The following AGFG1 variants were observed in gnomAD, a reference collection of about 807,000 sequenced individuals.
The protein encoded by AGFG1 is arf-GAP domain and FG repeat-containing protein 1.
Under a neutral mutation model 60.6 loss-of-function variants are expected in AGFG1, and 10 were observed. That is an observed-to-expected ratio of 0.16 (90% CI 0.10 to 0.28). AGFG1 has a LOEUF of 0.28. Ranked by LOEUF, AGFG1 falls within the 10% of genes least tolerant of loss-of-function variation. The probability of loss-of-function intolerance (pLI) is 1.00; values close to 1 mark genes in which losing one functional copy is unlikely to be tolerated. For missense variants in AGFG1, 537 were observed against 676.5 expected (o/e 0.79, Z 2.29); for synonymous variants, 247 against 242.9 (o/e 1.02, Z -0.16).
chr2:227,524,777 C>A lies in AGFG1; in HGVS notation c.556C>A (p.Arg186Ser). 1 of 1,614,064 alleles carries A rather than the reference C, an allele frequency of 6.2e-7. No individual in the cohort carries two copies. The highest frequency in any genetic ancestry group is 8.5e-7 in the Non-Finnish European group (1 of 1,179,974). Residue 186 changes from arginine (R) to serine (S), a missense_variant, in exon 5 of 13, where the codon CGT becomes AGT. Physicochemically the swap from Arg to Ser is moderately radical, Grantham distance 110 (BLOSUM62 -1). Around this residue, in one of 4 missense-constraint regions of AGFG1, gnomAD observed 102 missense variants for 82.9 expected, o/e 1.23. Transcript: ENST00000310078. ...GTPSQSPVVGRSQGQQQEKKQ... is the reference protein window; with the variant it reads ...GTPSQSPVVGSSQGQQQEKKQ... Reference sequence around the variant, plus strand: ...TGGTTTGTAGTCCCCAGTTGTAGGTCGTTCTCAAGGGCAGCAGCAGGAGAA... The same window carrying A: ...TGGTTTGTAGTCCCCAGTTGTAGGTAGTTCTCAAGGGCAGCAGCAGGAGAA...
intron 1 of AGFG1, among the ~76,000 whole-genome samples, chr2:227,481,347 T>C (rs1690457530): frequency 6.6e-6 from 1 of 152,080 alleles, no homozygotes; most frequent in Non-Finnish European, 1.5e-5. Context: ...TGGTATAACC[T>C]CTTTAAAACT....
At chr2:227,514,829 T>G (rs1691606804) in intron 2 of AGFG1, among the ~76,000 whole-genome samples, 1 of 152,210 alleles carries the variant, frequency 6.6e-6, no homozygotes, top group African/African-American at 2.4e-5. Flanking sequence ...AGTGCTGTTT[T>G]TAGCCCCTCA....
intron 10 of AGFG1, among the ~76,000 whole-genome samples, chr2:227,549,516 C>T (rs972197555): frequency 6.6e-6 from 1 of 152,130 alleles, no homozygotes; most frequent in African/African-American, 2.4e-5. Context: ...GTAAATACCG[C>T]TTACCTTTCT....
chr2:227,482,577 C>A (rs150683734), intron 1 of AGFG1, among the ~76,000 whole-genome samples: 23 of 152,182 alleles, frequency 1.5e-4, no homozygotes, highest in African/African-American at 5.5e-4. Flanking sequence ...TACTTTCTGC[C>A]AGTATTATTG....
At chr2:227,494,149 G>A (rs576637011) in intron 2 of AGFG1, among the ~76,000 whole-genome samples, 2 of 152,278 alleles carry the variant, frequency 1.3e-5, no homozygotes, top group South Asian at 4.1e-4. Context: ...AACAGTATCT[G>A]TGTTCTTAAA....
intron 2 of AGFG1, among the ~76,000 whole-genome samples, chr2:227,514,667 A>T (rs151310090): frequency 3.9e-5 from 6 of 152,358 alleles, no homozygotes; most frequent in Non-Finnish European, 7.4e-5. Flanking sequence ...AAACTCATGC[A>T]GTCTGATTCC....
At chr2:227,478,689 G>T (rs1690362854) in intron 1 of AGFG1, among the ~76,000 whole-genome samples, 1 of 152,066 alleles carries the variant, frequency 6.6e-6, no homozygotes, top group Admixed American at 6.6e-5. Context: ...GGCACATAAG[G>T]CTTTGAATAT....
rs1473977757 is a variant in AGFG1 at position 227,554,554 on chromosome 2, C to T, written c.*59C>T. 16 of 1,351,230 alleles carry T rather than the reference C, an allele frequency of 1.2e-5. No individual in the cohort carries two copies. The highest frequency in any genetic ancestry group is 1.6e-5 in the Non-Finnish European group (15 of 953,920). The allele number at this position is 1,351,230 out of a possible 1,614,324, so 83.7% of individuals were successfully genotyped here. On this transcript the variant is annotated 3_prime_UTR_variant, in exon 13 of 13. Coordinates refer to ENST00000310078, the MANE Select transcript of AGFG1 (RefSeq NM_004504.5). ...ATGTGGTCACATTACATCTCTCCAC[C>T]TCTTGCACTGTTGTCTTGTTTCACT... is the stretch of plus-strand genomic sequence containing the variant.
At chr2:227,553,622 C>T (rs1044272450) in intron 11 of AGFG1, 82 bp from the exon 12 acceptor site, 1 of 1,166,140 alleles carries the variant, frequency 8.6e-7, no homozygotes, top group African/African-American at 1.5e-5. Flanking sequence ...AGGAATGTCT[C>T]TGAAAGTTAT....
chr2:227,509,445 A>G (rs2106192679), intron 2 of AGFG1, among the ~76,000 whole-genome samples: 1 of 152,306 alleles, frequency 6.6e-6, no homozygotes, highest in South Asian at 2.1e-4. Flanking sequence ...GCCATTATTA[A>G]GATTACTGAC....
intron 2 of AGFG1, among the ~76,000 whole-genome samples, chr2:227,495,170 A>G (rs750339500): frequency 2.6e-5 from 4 of 152,138 alleles, no homozygotes; most frequent in Non-Finnish European, 5.9e-5. Context: ...TTGCTGAAGT[A>G]ATTTTTGTCA....
intron 2 of AGFG1, chr2:227,508,569 T>C (rs1691396017): frequency 2.1e-6 from 1 of 466,694 alleles, no homozygotes; most frequent in Non-Finnish European, 4.4e-6. Context: ...ACACCTTTGG[T>C]TAATTTTTCC....
At chr2:227,532,033 T>C in intron 6 of AGFG1, 1 of 872,492 alleles carries the variant, frequency 1.1e-6, no homozygotes, top group Admixed American at 3.6e-5. Context: ...TGATTACTTT[T>C]CTTTCAACTT....
intron 10 of AGFG1, among the ~76,000 whole-genome samples, chr2:227,548,290 A>G (rs1376939645): frequency 3.3e-5 from 5 of 152,228 alleles, no homozygotes; most frequent in African/African-American, 1.2e-4. Flanking sequence ...CCCTGTGAAT[A>G]TATTTAAAGA....
At chr2:227,549,163 C>T (rs925626852) in intron 10 of AGFG1, among the ~76,000 whole-genome samples, 3 of 152,086 alleles carry the variant, frequency 2.0e-5, no homozygotes, top group African/African-American at 7.2e-5. Context: ...GTCTCTATCC[C>T]TCCACCTCAT....
At chr2:227,505,273 CTG>C (rs1325977720) in intron 2 of AGFG1, among the ~76,000 whole-genome samples, 2 of 152,110 alleles carry the variant, frequency 1.3e-5, no homozygotes, top group Non-Finnish European at 2.9e-5. Flanking sequence ...CAGAATGTGA[CTG>C]TGATGCACCT....
At chr2:227,485,992 G>T (rs1390610834) in intron 1 of AGFG1, among the ~76,000 whole-genome samples, 1 of 152,038 alleles carries the variant, frequency 6.6e-6, no homozygotes, top group Non-Finnish European at 1.5e-5. Flanking sequence ...CTTAATATTT[G>T]GAAATCTTGA....
rs1344991772 is a variant in AGFG1 at position 227,560,306 on chromosome 2, G to T, written c.*5811G>T. The T allele has an allele frequency of 2.0e-5, 3 of 151,998 alleles. No individual in the cohort carries two copies. The highest frequency in any genetic ancestry group is 4.4e-5 in the Non-Finnish European group (3 of 67,952). 9.4% of individuals were successfully genotyped at this position (151,998 alleles called of 1,614,324 possible). On this transcript the variant is annotated 3_prime_UTR_variant, in exon 13 of 13. Transcript: ENST00000310078. Reference sequence around the variant, plus strand: ...TTATGCATATATGAAGATTACTCTTGATTCTGCCTGACTGGAAACTTTATT... The same window carrying T: ...TTATGCATATATGAAGATTACTCTTTATTCTGCCTGACTGGAAACTTTATT...
rs1690120307 is a variant in AGFG1 at position 227,472,432 on chromosome 2, G to A, written c.11G>A (p.Ser4Asn). The change falls in exon 1 of 13, where the codon AGC becomes AAC. Residue 4 changes from serine (S) to asparagine (N), a missense_variant. This residue lies in a region of AGFG1 where 120 missense variants were observed against 198.5 expected (regional missense o/e 0.60). Transcript: ENST00000310078. Reference protein sequence around the residue: MAASAKRKQEEKHL... With the variant: MAANAKRKQEEKHL... ...CTTGGCGCCGCGGCCATGGCGGCCA[G>A]CGCGAAGCGGAAGCAGGAGGAGAAG... The A allele has an allele frequency of 1.3e-6, 2 of 1,524,680 alleles. No individual in the cohort carries two copies. Among genetic ancestry groups the A allele is most frequent in the East Asian group, 2.8e-5 (1 of 35,498 alleles). 94.4% of individuals were successfully genotyped at this position (1,524,680 alleles called of 1,614,324 possible). A position where few individuals can be genotyped will look rare whatever the true frequency, so the allele number is the denominator to read the frequency against.
Sources: allele counts gnomAD v4.1 joint callset (sites outside exome capture counted in the v4.1 genomes callset), GRCh38; gene constraint gnomAD v4.1.1; regional missense constraint gnomAD v4.1.1; transcripts MANE v1.5; gene names NCBI Gene and HGNC (gene_info 2026-07-23, HGNC 2026-07-21).